Variants in C1GALT1 observed in about 807,000 individuals in gnomAD.
C1GALT1 encodes glycoprotein-N-acetylgalactosamine 3-beta-galactosyltransferase 1.
A neutral mutation model predicts 31.0 loss-of-function variants in C1GALT1; 11 were observed. The ratio of observed to expected loss-of-function variants is 0.36; its 90% CI spans 0.22 to 0.59. The LOEUF is 0.59. Among genes scored for constraint, C1GALT1 ranks in the 20% least tolerant of loss-of-function variants. The pLI is 0.79. For missense variants in C1GALT1, 424 were observed against 425.2 expected, an observed-to-expected ratio of 1.00 and a Z score of 0.03; for synonymous variants, 175 against 143.6, an observed-to-expected ratio of 1.22 and a Z score of -1.56.
intron 1 of C1GALT1, among the ~76,000 whole-genome samples, chr7:7,190,559 C>T (rs1781024125): frequency 6.6e-6 from 1 of 152,032 alleles, no homozygotes; most frequent in Admixed American, 6.5e-5. Flanking sequence ...AGAGTTTGTT[C>T]AGCATAAATA....
intron 1 of C1GALT1, chr7:7,209,542 C>T (rs2128238373): frequency 6.6e-6 from 1 of 152,354 alleles, no homozygotes; most frequent in South Asian, 2.1e-4. Flanking sequence ...AAAGAACAAG[C>T]TCTTCAAGAA....
rs188306878 is a variant in C1GALT1, at chr7:7,202,286, G to A, written c.-18+19466G>A. ...TACGTTCCCGTGGTAGTAGTTCTTC[G>A]AGTAAAAGTTCACGGTGTGAGTCTC... On this transcript the variant is annotated intron_variant, in intron 1 of 3. Coordinates refer to ENST00000436587, the MANE Select transcript of C1GALT1 (RefSeq NM_020156.5). Among the ~76,000 whole-genome samples, 33 of 152,226 alleles carry A rather than the reference G, an allele frequency of 2.2e-4. No individual in the cohort carries two copies. In the East Asian group the frequency reaches 6.2e-3, roughly 28 times the overall value.
intron 1 of C1GALT1, among the ~76,000 whole-genome samples, chr7:7,220,072 T>C (rs1782441524): frequency 6.6e-6 from 1 of 152,238 alleles, no homozygotes; most frequent in South Asian, 2.1e-4. Flanking sequence ...TTATTTTTTA[T>C]TAAGATTTTC....
upstream of C1GALT1, among the ~76,000 whole-genome samples, chr7:7,181,962 TGCC>T (rs1780598886): frequency 6.6e-6 from 1 of 152,124 alleles, no homozygotes; most frequent in Non-Finnish European, 1.5e-5. Context: ...TTCCGGCCAT[TGCC>T]CCACAGAACC....
chr7:7,176,710 C>G (rs1006665927), intron 2 of C1GALT1, among the ~76,000 whole-genome samples: 1 of 152,204 alleles, frequency 6.6e-6, no homozygotes, highest in Non-Finnish European at 1.5e-5. Flanking sequence ...TATTCTCCAT[C>G]TTAACCCTAT....
intron 1 of C1GALT1, among the ~76,000 whole-genome samples, chr7:7,185,188 C>G (rs1034564054): frequency 2.6e-5 from 4 of 152,140 alleles, no homozygotes; most frequent in Admixed American, 2.0e-4. Context: ...AATTATCTAG[C>G]ACCTGTAGTA....
intron 1 of C1GALT1, among the ~76,000 whole-genome samples, chr7:7,188,055 A>G (rs967486070): frequency 6.6e-6 from 1 of 152,158 alleles, no homozygotes; most frequent in Non-Finnish European, 1.5e-5. Flanking sequence ...GAGAGGTTAG[A>G]TATTGTAATA....
chr7:7,220,001 C>T (rs1295199961), intron 1 of C1GALT1, among the ~76,000 whole-genome samples: 1 of 152,140 alleles, frequency 6.6e-6, no homozygotes, highest in East Asian at 1.9e-4. Flanking sequence ...GATATTAAAT[C>T]TTTTTCATTT....
intron 1 of C1GALT1, among the ~76,000 whole-genome samples, chr7:7,200,468 T>C (rs1236747382): frequency 2.0e-5 from 3 of 152,184 alleles, no homozygotes; most frequent in Admixed American, 6.5e-5. Context: ...CTGACAATTA[T>C]GTGTCTTGGG....
At chr7:7,162,823 T>C (rs1780350101) in intron 2 of C1GALT1, among the ~76,000 whole-genome samples, 2 of 152,324 alleles carry the variant, frequency 1.3e-5, no homozygotes, top group South Asian at 2.1e-4. Context: ...TGGTGTGAGA[T>C]GGTATCTCAT....
rs78529271 is a variant in C1GALT1, at chr7:7,220,818, T to C, written c.-17-13485T>C. Among the ~76,000 whole-genome samples, 560 of 152,298 alleles carry C rather than the reference T, an allele frequency of 3.7e-3. 5 individuals carry two copies. The highest frequency in any genetic ancestry group is 0.013 in the African/African-American group (532 of 41,552). On this transcript the variant is annotated intron_variant, in intron 1 of 3. Transcript: ENST00000436587. Reference sequence around the variant, plus strand: ...TACAGGTGCGCCCAGCCCAAAAGTATCTTTATTCTTCCCTCACACTTGTTG... The same window carrying C: ...TACAGGTGCGCCCAGCCCAAAAGTACCTTTATTCTTCCCTCACACTTGTTG...
At chr7:7,195,429 CTGAA>C (rs1346886677) in intron 1 of C1GALT1, among the ~76,000 whole-genome samples, 2 of 152,302 alleles carry the variant, frequency 1.3e-5, no homozygotes, top group Admixed American at 1.3e-4. Context: ...TCATTGTTGA[CTGAA>C]TGATCATTCA....
intron 1 of C1GALT1, among the ~76,000 whole-genome samples, chr7:7,220,622 A>C (rs1782467345): frequency 6.6e-6 from 1 of 152,148 alleles, no homozygotes; most frequent in Non-Finnish European, 1.5e-5. Context: ...CCTGGGTTCA[A>C]GAGATTCTTC....
chr7:7,243,936 A>G lies in C1GALT1; in HGVS notation c.*209A>G. On this transcript the variant is annotated 3_prime_UTR_variant, in exon 4 of 4. Transcript: ENST00000436587. ...TGTTTTGATACAGTAATATATAAAT[A>G]TGTCTATATATATGAGGAACTTGTG... The G allele has an allele frequency of 5.6e-6, 2 of 355,676 alleles. No homozygotes were observed. Among genetic ancestry groups the G allele is most frequent in the Admixed American group, 4.4e-5 (1 of 22,750 alleles). The allele number at this position is 355,676 out of a possible 1,614,324, so 22.0% of individuals were successfully genotyped here.
At chr7:7,176,647 C>G (rs1005580945) in intron 2 of C1GALT1, among the ~76,000 whole-genome samples, 1 of 152,170 alleles carries the variant, frequency 6.6e-6, no homozygotes, top group African/African-American at 2.4e-5. Flanking sequence ...GTCCTCTTCC[C>G]TCGAGGTTAA....
chr7:7,177,797 G>A (rs980767031), upstream of C1GALT1, among the ~76,000 whole-genome samples: 1 of 152,132 alleles, frequency 6.6e-6, no homozygotes, highest in African/African-American at 2.4e-5. Flanking sequence ...GACCTCATCA[G>A]CCTAATTTAA....
intron 1 of C1GALT1, among the ~76,000 whole-genome samples, chr7:7,210,766 A>G (rs1330710581): frequency 6.6e-6 from 1 of 152,204 alleles, no homozygotes; most frequent in African/African-American, 2.4e-5. Context: ...GGCAAGGGCA[A>G]GAAGGCTGTG....
intron 2 of C1GALT1, among the ~76,000 whole-genome samples, chr7:7,169,842 T>C (rs1456014911): frequency 6.6e-6 from 1 of 152,232 alleles, no homozygotes; most frequent in African/African-American, 2.4e-5. Context: ...TATCTGACTT[T>C]GGTATCAGGG....
intron 1 of C1GALT1, among the ~76,000 whole-genome samples, chr7:7,227,146 CCTTT>C (rs1283295604): frequency 6.6e-6 from 1 of 152,014 alleles, no homozygotes; most frequent in East Asian, 1.9e-4. Flanking sequence ...TTTTTAGATT[CCTTT>C]ATTTCCTATA....
Sources: allele counts gnomAD v4.1 joint callset (sites outside exome capture counted in the v4.1 genomes callset), GRCh38; gene constraint gnomAD v4.1.1; transcripts MANE v1.5; gene names NCBI Gene and HGNC (gene_info 2026-07-23, HGNC 2026-07-21).